The following RALGPS2 variants were observed in gnomAD, a reference collection of about 807,000 sequenced individuals.
The protein encoded by RALGPS2 is ras-specific guanine nucleotide-releasing factor RalGPS2.
Under a neutral mutation model 86.8 loss-of-function variants are expected in RALGPS2, and 43 were observed. The ratio of observed to expected loss-of-function variants is 0.50; its 90% confidence interval spans 0.39 to 0.64. The LOEUF (loss-of-function observed/expected upper bound fraction) is 0.64. Ranked by LOEUF, RALGPS2 falls within the 30% of genes least tolerant of loss-of-function variation. RALGPS2 has a pLI of 0.00. For synonymous variants in RALGPS2, 243 were observed against 231.3 expected (o/e 1.05, Z -0.46); for missense variants, 536 against 694.6 (o/e 0.77, Z 2.57).
intron 1 of RALGPS2, among the ~76,000 whole-genome samples, chr1:178,731,232 T>G (rs888481885): frequency 6.7e-6 from 1 of 149,954 alleles, no homozygotes; most frequent in African/African-American, 2.4e-5. Flanking sequence ...AAAAATCATC[T>G]TCAAATTTAG....
intron 1 of RALGPS2, among the ~76,000 whole-genome samples, chr1:178,764,221 C>CTTTA (rs567496367): frequency 2.2e-4 from 33 of 152,176 alleles, no homozygotes; most frequent in African/African-American, 3.9e-4. Context: ...ATGTAATGCC[C>CTTTA]TTTATTTATT....
intron 8 of RALGPS2, among the ~76,000 whole-genome samples, chr1:178,859,695 C>CTTTTT (rs1190050936): frequency 2.8e-5 from 3 of 108,286 alleles, no homozygotes; most frequent in Non-Finnish European, 3.7e-5. Context: ...ACACGAAGCA[C>CTTTTT]TTTTTTTTTT....
chr1:178,851,699 A>G (rs1448271660), intron 8 of RALGPS2, among the ~76,000 whole-genome samples: 1 of 152,208 alleles, frequency 6.6e-6, no homozygotes, highest in Non-Finnish European at 1.5e-5. Flanking sequence ...ATAGCAAAAA[A>G]TAATACAAAG....
At chr1:178,792,622 G>T (rs1654008747) in intron 4 of RALGPS2, among the ~76,000 whole-genome samples, 1 of 152,094 alleles carries the variant, frequency 6.6e-6, no homozygotes, top group South Asian at 2.1e-4. Context: ...TCAGTACTGT[G>T]CCCTGGTGTT....
chr1:178,763,880 T>C (rs1486950755), intron 1 of RALGPS2, among the ~76,000 whole-genome samples: 1 of 152,210 alleles, frequency 6.6e-6, no homozygotes, highest in Non-Finnish European at 1.5e-5. Flanking sequence ...TTTTGTTTTT[T>C]TTTTTAATTT....
chr1:178,783,983 T>A (rs1430500092), intron 2 of RALGPS2, among the ~76,000 whole-genome samples: 1 of 152,054 alleles, frequency 6.6e-6, no homozygotes, highest in African/African-American at 2.4e-5. Context: ...AACTCTTTAA[T>A]TAACAGCATT....
At chr1:178,752,075 C>G (rs1252514260) in intron 1 of RALGPS2, among the ~76,000 whole-genome samples, 1 of 151,712 alleles carries the variant, frequency 6.6e-6, no homozygotes, top group Non-Finnish European at 1.5e-5. Context: ...TGGTCCTAGT[C>G]TGCTACCTAG....
chr1:178,835,286 T>G (rs957609955), intron 8 of RALGPS2, among the ~76,000 whole-genome samples: 1 of 152,224 alleles, frequency 6.6e-6, no homozygotes, highest in African/African-American at 2.4e-5. Context: ...GTCATTGAAT[T>G]TTCTTCTTTG....
intron 9 of RALGPS2, 136 bp from the exon 10 acceptor site, chr1:178,878,766 G>C (rs1659104992): frequency 8.7e-7 from 1 of 1,150,854 alleles, no homozygotes; most frequent in Non-Finnish European, 1.2e-6. Context: ...GTTTATCTCA[G>C]TAATGTCCTT....
intron 15 of RALGPS2, among the ~76,000 whole-genome samples, chr1:178,893,659 A>G (rs909642675): frequency 6.6e-6 from 1 of 151,924 alleles, no homozygotes; most frequent in African/African-American, 2.4e-5. Context: ...GAATTACTGC[A>G]TTCTTTCTAA....
At chr1:178,816,243 G>C (rs145677483) in intron 6 of RALGPS2, among the ~76,000 whole-genome samples, 8 of 152,038 alleles carry the variant, frequency 5.3e-5, no homozygotes, top group African/African-American at 1.9e-4. Context: ...CCAGTACTTG[G>C]TGTTTAATTT....
At chr1:178,775,106 C>T (rs1279576036) in intron 1 of RALGPS2, among the ~76,000 whole-genome samples, 1 of 152,144 alleles carries the variant, frequency 6.6e-6, no homozygotes, top group Non-Finnish European at 1.5e-5. Context: ...ATCATCATTA[C>T]ATCATAGTAA....
At chr1:178,853,261 C>T in intron 8 of RALGPS2, 1 of 961,728 alleles carries the variant, frequency 1.0e-6, no homozygotes, top group South Asian at 4.8e-5. Flanking sequence ...AGTATACTAC[C>T]CAGATCCTTA....
intron 10 of RALGPS2, 31 bp from the exon 11 acceptor site, chr1:178,883,435 A>G (rs780288487): frequency 6.7e-7 from 1 of 1,483,190 alleles, no homozygotes; most frequent in Admixed American, 1.7e-5. Flanking sequence ...TTAATTAATC[A>G]TTGTATGTAT....
chr1:178,818,309 G>A (rs1655331512), intron 6 of RALGPS2, among the ~76,000 whole-genome samples: 1 of 152,078 alleles, frequency 6.6e-6, no homozygotes, highest in African/African-American at 2.4e-5. Flanking sequence ...GCAGTGAGCC[G>A]AGATCATGCC....
chr1:178,866,230 C>T (rs1658400964), intron 8 of RALGPS2, among the ~76,000 whole-genome samples: 1 of 152,100 alleles, frequency 6.6e-6, no homozygotes, highest in Non-Finnish European at 1.5e-5. Flanking sequence ...ACATTCTTGC[C>T]TAACTAGTAT....
chr1:178,789,706 G>A (rs1463916640), intron 4 of RALGPS2, among the ~76,000 whole-genome samples: 10 of 152,114 alleles, frequency 6.6e-5, no homozygotes, highest in Admixed American at 6.6e-4. Context: ...AAAAGTGTGG[G>A]TGAGATTATC....
intron 17 of RALGPS2, among the ~76,000 whole-genome samples, chr1:178,900,868 C>G (rs753620607): frequency 1.3e-5 from 2 of 151,944 alleles, no homozygotes; most frequent in Non-Finnish European, 2.9e-5. Context: ...TAGTTTCATC[C>G]CTGTTTCTGA....
intron 6 of RALGPS2, among the ~76,000 whole-genome samples, chr1:178,812,671 C>A (rs1002700668): frequency 6.6e-6 from 1 of 152,124 alleles, no homozygotes; most frequent in African/African-American, 2.4e-5. Context: ...ATTGTAGCCA[C>A]GTTCATTCAT....
Sources: gnomAD v4.1 joint callset for allele counts (sites outside exome capture counted in the v4.1 genomes callset) on GRCh38, gnomAD v4.1.1 for gene constraint, MANE v1.5 for transcripts, NCBI Gene and HGNC (gene_info 2026-07-23, HGNC 2026-07-21) for gene names.